The following GEMIN5 variants were observed in gnomAD, a reference collection of about 807,000 sequenced individuals.
The protein encoded by GEMIN5 is gem-associated protein 5.
Under a neutral mutation model 176.9 loss-of-function variants are expected in GEMIN5, and 124 were observed. That is an observed-to-expected ratio of 0.70 (90% confidence interval 0.61 to 0.81). GEMIN5 has a LOEUF of 0.81. Ranked by LOEUF, GEMIN5 falls within the 40% of genes least tolerant of loss-of-function variation. The probability of loss-of-function intolerance (pLI) is 0.00; values close to 1 mark genes in which losing one functional copy is unlikely to be tolerated. For missense variants in GEMIN5, 1,843 were observed against 1,814.6 expected, an observed-to-expected ratio of 1.02 and a Z score of -0.28; for synonymous variants, 673 against 665.2, an observed-to-expected ratio of 1.01 and a Z score of -0.18.
intron 15 of GEMIN5, among the ~76,000 whole-genome samples, chr5:154,909,904 G>A (rs1334007879): frequency 1.3e-5 from 2 of 151,826 alleles, no homozygotes; most frequent in East Asian, 3.9e-4. Flanking sequence ...GTTTGAACCT[G>A]TGGGGCAGAG....
chr5:154,912,913 C>T lies in GEMIN5; in HGVS notation c.1981G>A (p.Asp661Asn). ...CACAATAGTACCTGGGCTGTACCATCATAGGAAGCAGATACCAGCCTTCCA... is the reference window on the plus strand; with the variant it reads ...CACAATAGTACCTGGGCTGTACCATTATAGGAAGCAGATACCAGCCTTCCA... ...HDGRLVSASY[D>N]GTAQVWDALR... Residue 661 changes from aspartate (D) to asparagine (N), a missense_variant, in exon 14 of 28, where the codon GAT (aspartate) becomes AAT (asparagine). Physicochemically the swap from Asp to Asn is conservative, Grantham distance 23 (BLOSUM62 1). Coordinates refer to ENST00000285873, the MANE Select transcript of GEMIN5 (RefSeq NM_015465.5). 6.2e-7 allele frequency: 1 copy of T among 1,613,784 alleles called. No individual in the cohort carries two copies. The highest frequency in any genetic ancestry group is 2.2e-5 in the East Asian group (1 of 44,880).
chr5:154,889,381 C>G lies in GEMIN5; in HGVS notation c.4299G>C (p.Glu1433Asp). Reference sequence around the variant, plus strand: ...TTGCCTCGGTAAGCCTTTTGGTTAACTCAGGCAGAGAAAGTGGCTCATTTT... The same window carrying G: ...TTGCCTCGGTAAGCCTTTTGGTTAAGTCAGGCAGAGAAAGTGGCTCATTTT... ...EEKNEPLSLP[E>D]LTKRLTEANQ... is the part of the protein sequence containing the mutation. Residue 1433 changes from glutamate (E) to aspartate (D), a missense_variant, in exon 27 of 28, where the codon GAG becomes GAC. Glu to Asp is a conservative substitution (Grantham distance 45, BLOSUM62 2). Transcript: ENST00000285873. 1.2e-6 allele frequency: 2 copies of G among 1,610,552 alleles called. No homozygotes were observed. The highest frequency in any genetic ancestry group is 2.2e-5 in the South Asian group (2 of 90,986).
chr5:154,897,915 T>TG (rs1359189900), intron 23 of GEMIN5, among the ~76,000 whole-genome samples: 23 of 6,566 alleles, frequency 3.5e-3, no homozygotes, highest in South Asian at 0.011. Flanking sequence ...TTTTTTTGTG[T>TG]TTTTTTTTTT....
In GEMIN5 at chr5:154,926,044, A is replaced by G; in HGVS notation, c.1111T>C (p.Cys371Arg). 1.2e-6 allele frequency: 2 copies of G among 1,613,114 alleles called. No individual in the cohort carries two copies. Among genetic ancestry groups the G allele is most frequent in the Non-Finnish European group, 1.7e-6 (2 of 1,179,194 alleles). The change falls in exon 8 of 28, where the codon TGC (cysteine) becomes CGC (arginine). Residue 371 changes from cysteine (C) to arginine (R), a missense_variant. By Grantham distance (180) the Cys-to-Arg change is radical. Transcript: ENST00000285873. ...VKCWDIATLE[C>R]SWTLPSLGGF... ...CCAAGGGAAGGAAGGGTCCAGCTGCACTCCAAGGTGGCTATGTCCCAACAT... is the reference window on the plus strand; with the variant it reads ...CCAAGGGAAGGAAGGGTCCAGCTGCGCTCCAAGGTGGCTATGTCCCAACAT...
chr5:154,928,502 G>A (rs1244492076), intron 6 of GEMIN5, 25 bp downstream of exon 6: 4 of 1,611,750 alleles, frequency 2.5e-6, no homozygotes, highest in Admixed American at 1.7e-5. Context: ...ATATATCTGA[G>A]AAAGCATGAC....
At chr5:154,896,376 A>T (rs1169162434) in intron 23 of GEMIN5, 33 bp from the exon 24 acceptor site, 2 of 1,530,948 alleles carry the variant, frequency 1.3e-6, no homozygotes, top group East Asian at 4.5e-5. Context: ...AGGAACTGTT[A>T]TACAGGGAAA....
chr5:154,919,872 G>T, intron 11 of GEMIN5, 95 bp downstream of exon 11: 1 of 1,046,162 alleles, frequency 9.6e-7, no homozygotes, highest in Non-Finnish European at 1.4e-6. Context: ...GTATGATGAT[G>T]GTAATCTCCA....
At chr5:154,935,271 TCA>T (rs1764244293) in intron 3 of GEMIN5, among the ~76,000 whole-genome samples, 1 of 152,246 alleles carries the variant, frequency 6.6e-6, no homozygotes, top group Non-Finnish European at 1.5e-5. Flanking sequence ...CCCCAGTCTT[TCA>T]AATCCACTCC....
chr5:154,920,032 G>A lies in GEMIN5; in HGVS notation c.1534C>T (p.Pro512Ser). Residue 512 changes from proline (P) to serine (S), a missense_variant, in exon 11 of 28, where the codon CCC becomes TCC. Physicochemically the swap from Pro to Ser is moderately conservative, Grantham distance 74 (BLOSUM62 -1). Coordinates refer to ENST00000285873, the MANE Select transcript of GEMIN5 (RefSeq NM_015465.5). ...GGEGIVLQHN[P>S]WKLSGEAFDI... ...AAGGCTTCTCCACTAAGCTTCCAGG[G>A]ATTATGCTGTAAGACAATCCCTTCT... The A allele has an allele frequency of 1.2e-6, 2 of 1,612,960 alleles. No individual in the cohort carries two copies. Among genetic ancestry groups the A allele is most frequent in the Non-Finnish European group, 1.7e-6 (2 of 1,179,026 alleles).
chr5:154,930,653 G>A (rs768542148), intron 5 of GEMIN5, among the ~76,000 whole-genome samples: 7 of 152,122 alleles, frequency 4.6e-5, no homozygotes, highest in Non-Finnish European at 7.3e-5. Flanking sequence ...CAAAATCATA[G>A]AGCTGAAAGC....
At chr5:154,932,769 G>A (rs1005037513) in intron 3 of GEMIN5, among the ~76,000 whole-genome samples, 3 of 152,058 alleles carry the variant, frequency 2.0e-5, no homozygotes, top group African/African-American at 7.2e-5. Context: ...TCACCATGTT[G>A]CTCATGGCTG....
chr5:154,907,161 G>GT (rs1188612352), intron 16 of GEMIN5, among the ~76,000 whole-genome samples: 4 of 152,114 alleles, frequency 2.6e-5, no homozygotes, highest in African/African-American at 9.7e-5. Flanking sequence ...CAAACTCCAC[G>GT]TAAGGGGGTG....
chr5:154,902,014 C>G (rs1763476300), intron 20 of GEMIN5, among the ~76,000 whole-genome samples: 1 of 152,074 alleles, frequency 6.6e-6, no homozygotes, highest in African/African-American at 2.4e-5. Flanking sequence ...GTTGCCTAGG[C>G]TGGTCTCAAA....
chr5:154,932,306 TAGTA>T (rs1764185715), intron 3 of GEMIN5, 56 bp from the exon 4 acceptor site: 1 of 1,332,036 alleles, frequency 7.5e-7, no homozygotes. Context: ...ACAGAGTCTC[TAGTA>T]AACATTTTGG....
intron 5 of GEMIN5, among the ~76,000 whole-genome samples, chr5:154,930,724 G>A (rs1764142958): frequency 6.6e-6 from 1 of 152,120 alleles, no homozygotes. Context: ...CTGGAGATGG[G>A]TGGCTGTGAC....
In GEMIN5 at chr5:154,895,220, C is replaced by T. The variant is rs796506942; in HGVS notation, c.3597+872G>A. ...CATTTTGAAATGAGGGAAAGAACTA[C>T]GCCAGGCACAGTGGCTCATGCCTGT... is the stretch of plus-strand genomic sequence containing the variant. On this transcript the variant is annotated intron_variant, in intron 24 of 27. Coordinates refer to ENST00000285873, the MANE Select transcript of GEMIN5 (RefSeq NM_015465.5). Among the ~76,000 whole-genome samples the T allele has an allele frequency of 5.3e-5, 8 of 150,978 alleles. 1 individual carries two copies. Among genetic ancestry groups the T allele is most frequent in the East Asian group, 2.0e-4 (1 of 5,072 alleles).
intron 21 of GEMIN5, among the ~76,000 whole-genome samples, chr5:154,900,994 C>G (rs929200959): frequency 6.6e-6 from 1 of 152,140 alleles, no homozygotes. Flanking sequence ...TTAACACTCT[C>G]TAAAGGAAGA....
chr5:154,896,470 T>C lies in GEMIN5; in HGVS notation c.3346-127A>G, dbSNP rs75869039. On this transcript the variant is annotated intron_variant, in intron 23 of 27. Coordinates refer to ENST00000285873, the MANE Select transcript of GEMIN5 (RefSeq NM_015465.5). ...CAGCAACCAAAGCACATTAGTGAGC[T>C]ACCTGCCCCATATGAGTCATGCATG... 397 of 882,098 alleles carry C rather than the reference T, an allele frequency of 4.5e-4. No homozygotes were observed. In the African/African-American group the frequency reaches 5.5e-3, roughly 12 times the overall value. The allele number at this position is 882,098 out of a possible 1,614,324, so 54.6% of individuals were successfully genotyped here.
chr5:154,923,158 C>T (rs1399990742), intron 9 of GEMIN5, among the ~76,000 whole-genome samples: 2 of 151,924 alleles, frequency 1.3e-5, no homozygotes, highest in East Asian at 1.9e-4. Context: ...GGGTGGATCA[C>T]CTGAGGTTAG....
Sources: allele counts gnomAD v4.1 joint callset (sites outside exome capture counted in the v4.1 genomes callset), GRCh38; gene constraint gnomAD v4.1.1; transcripts MANE v1.5; gene names NCBI Gene and HGNC (gene_info 2026-07-23, HGNC 2026-07-21).